Variants in RPSA2 observed in about 807,000 individuals in gnomAD.
RPSA2 encodes small ribosomal subunit protein uS2B.
At chr19:23,793,529 C>T in the RPSA2 span, among the ~76,000 whole-genome samples, 1 of 151,862 alleles carries the variant, frequency 6.6e-6, no homozygotes, top group African/African-American at 2.4e-5. Context: ...GATCTTGGCT[C>T]ACTGCAGCCT....
chr19:23,760,000 A>G, the RPSA2 span, among the ~76,000 whole-genome samples: 1 of 152,130 alleles, frequency 6.6e-6, no homozygotes, highest in Non-Finnish European at 1.5e-5. Flanking sequence ...CAGTTCCCAT[A>G]GGTACTTGTC....
At chr19:23,797,043 CT>C in the RPSA2 span, among the ~76,000 whole-genome samples, 1 of 121,190 alleles carries the variant, frequency 8.3e-6, no homozygotes, top group Admixed American at 7.9e-5. Flanking sequence ...ATAAATTTCC[CT>C]TTTAACACTA....
the RPSA2 span, among the ~76,000 whole-genome samples, chr19:23,854,387 T>G: frequency 6.6e-6 from 1 of 152,282 alleles, no homozygotes; most frequent in East Asian, 1.9e-4. Context: ...TGGACAAGCA[T>G]TGTACTGAGA....
chr19:23,759,522 GTTTTT>G, the RPSA2 span, among the ~76,000 whole-genome samples: 2 of 89,034 alleles, frequency 2.2e-5, no homozygotes, highest in African/African-American at 4.4e-5. Context: ...TATATATCAG[GTTTTT>G]TTTTTTTTTT....
the RPSA2 span, among the ~76,000 whole-genome samples, chr19:23,866,329 C>T: frequency 6.6e-6 from 1 of 152,216 alleles, no homozygotes; most frequent in Non-Finnish European, 1.5e-5. Context: ...TAGCTCTAGC[C>T]TATGAAATGC....
the RPSA2 span, among the ~76,000 whole-genome samples, chr19:23,815,590 G>A: frequency 0.12 from 17,860 of 152,150 alleles, 1,116 homozygotes; most frequent in East Asian, 0.22. Flanking sequence ...ACAGTCTGCT[G>A]GATTGTGAGC....
the RPSA2 span, among the ~76,000 whole-genome samples, chr19:23,849,968 C>T: frequency 5.3e-5 from 8 of 152,098 alleles, no homozygotes; most frequent in East Asian, 1.9e-4. Flanking sequence ...CCAAATGTCC[C>T]GGTTCTCTTG....
At chr19:23,864,809 TATTA>T in the RPSA2 span, among the ~76,000 whole-genome samples, 7 of 152,098 alleles carry the variant, frequency 4.6e-5, no homozygotes, top group African/African-American at 1.7e-4. Context: ...AATTTTTAAA[TATTA>T]ATTAATTTTT....
At chr19:23,777,277 C>A in the RPSA2 span, among the ~76,000 whole-genome samples, 1 of 152,198 alleles carries the variant, frequency 6.6e-6, no homozygotes, top group Non-Finnish European at 1.5e-5. Flanking sequence ...CCTGCCTAAA[C>A]CCTGCATACA....
At chr19:23,845,729 C>T in the RPSA2 span, among the ~76,000 whole-genome samples, 168 of 152,254 alleles carry the variant, frequency 1.1e-3, no homozygotes, top group African/African-American at 3.9e-3. Context: ...TGACCTCAGG[C>T]GATCCACCTG....
At chr19:23,853,135 A>G in the RPSA2 span, among the ~76,000 whole-genome samples, 1 of 152,254 alleles carries the variant, frequency 6.6e-6, no homozygotes, top group African/African-American at 2.4e-5. Context: ...TCCATTGATA[A>G]TGAACTGCAG....
the RPSA2 span, among the ~76,000 whole-genome samples, chr19:23,798,637 T>C: frequency 3.3e-5 from 5 of 152,184 alleles, no homozygotes; most frequent in Admixed American, 2.0e-4. Context: ...ATGACTAGTA[T>C]GTTAAAATTA....
the RPSA2 span, among the ~76,000 whole-genome samples, chr19:23,848,031 A>G: frequency 3.9e-5 from 6 of 152,086 alleles, no homozygotes; most frequent in Non-Finnish European, 8.8e-5. Context: ...AGGTGCACTG[A>G]TTTCGTATTG....
the RPSA2 span, among the ~76,000 whole-genome samples, chr19:23,840,020 C>A: frequency 6.6e-6 from 1 of 152,148 alleles, no homozygotes; most frequent in Non-Finnish European, 1.5e-5. Flanking sequence ...TGTCCTGATG[C>A]CTTTAAGGAC....
the RPSA2 span, among the ~76,000 whole-genome samples, chr19:23,773,561 C>T: frequency 3.1e-4 from 47 of 152,262 alleles, no homozygotes; most frequent in Non-Finnish European, 3.1e-4. Flanking sequence ...AGATTACAGG[C>T]GTGAGCCACC....
the RPSA2 span, among the ~76,000 whole-genome samples, chr19:23,851,738 C>A: frequency 6.6e-6 from 1 of 152,168 alleles, no homozygotes; most frequent in Admixed American, 6.5e-5. Context: ...CTGGAGCCAT[C>A]AGTGAACGCT....
the RPSA2 span, among the ~76,000 whole-genome samples, chr19:23,834,477 A>G: frequency 6.6e-6 from 1 of 152,058 alleles, no homozygotes; most frequent in African/African-American, 2.4e-5. Context: ...TGAAAATTTA[A>G]GTAGAGAGGC....
At chr19:23,792,201 C>A in the RPSA2 span, among the ~76,000 whole-genome samples, 1 of 152,254 alleles carries the variant, frequency 6.6e-6, no homozygotes, top group East Asian at 1.9e-4. Flanking sequence ...GTTTCACAAA[C>A]CAAGTTAATA....
chr19:23,830,179 C>A, the RPSA2 span, among the ~76,000 whole-genome samples: 1 of 152,004 alleles, frequency 6.6e-6, no homozygotes, highest in South Asian at 2.1e-4. Context: ...GTCTCTCTAT[C>A]CCCCAGCCAG....
Sources: allele counts gnomAD v4.1 joint callset (sites outside exome capture counted in the v4.1 genomes callset), GRCh38; gene constraint gnomAD v4.1.1; transcripts MANE v1.5; gene names NCBI Gene and HGNC (gene_info 2026-07-23, HGNC 2026-07-21).